Variants in MINDY2 observed in about 807,000 individuals in gnomAD.
MINDY2 encodes MINDY lysine 48 deubiquitinase 2, also known as ubiquitin carboxyl-terminal hydrolase MINDY-2.
Under a neutral mutation model 68.2 loss-of-function variants are expected in MINDY2, and 52 were observed. That is an observed-to-expected ratio of 0.76 (90% confidence interval 0.61 to 0.96). The LOEUF (loss-of-function observed/expected upper bound fraction) is 0.96, where lower values mean the gene tolerates loss of function less well. Ranked by LOEUF, MINDY2 falls within the 40% of genes least tolerant of loss-of-function variation. MINDY2 has a pLI of 0.00. For missense variants in MINDY2, 881 were observed against 773.4 expected (o/e 1.14, Z -1.65); for synonymous variants, 372 against 303.0 (o/e 1.23, Z -2.36).
chr15:58,776,768 T>A lies in MINDY2; in HGVS notation c.840+4533T>A, dbSNP rs184825399. Among the ~76,000 whole-genome samples, 663 of 152,168 alleles carry A rather than the reference T, an allele frequency of 4.4e-3. 1 individual carries two copies. Among genetic ancestry groups the A allele is most frequent in the Non-Finnish European group, 5.0e-3 (339 of 68,006 alleles). On this transcript the variant is annotated intron_variant, in intron 1 of 8. Transcript: ENST00000559228. ...CGTGTGTGGTGGCTCATGCCTGTCGTCCCAGCATTGTGGGAGGCTAACACA... is the reference window on the plus strand; with the variant it reads ...CGTGTGTGGTGGCTCATGCCTGTCGACCCAGCATTGTGGGAGGCTAACACA...
intron 7 of MINDY2, among the ~76,000 whole-genome samples, chr15:58,847,974 G>T (rs2032620392): frequency 6.6e-6 from 1 of 152,102 alleles, no homozygotes; most frequent in African/African-American, 2.4e-5. Context: ...AGAATGGGTG[G>T]ATATTCTAAA....
In MINDY2 at chr15:58,859,028, C is replaced by T. The variant is rs998767685; in HGVS notation, c.*4418C>T. On this transcript the variant is annotated 3_prime_UTR_variant, in exon 9 of 9. Transcript: ENST00000559228. ...GACTTAATTTATCACAAATATTACACATCCTATGTTCTTGAATGTGCACAC... is the reference window on the plus strand; with the variant it reads ...GACTTAATTTATCACAAATATTACATATCCTATGTTCTTGAATGTGCACAC... 6.6e-6 allele frequency: 1 copy of T among 152,096 alleles called. No individual in the cohort carries two copies. The highest frequency in any genetic ancestry group is 2.4e-5 in the African/African-American group (1 of 41,444). The allele number at this position is 152,096 out of a possible 1,614,324, so 9.4% of individuals were successfully genotyped here. A position where few individuals can be genotyped will look rare whatever the true frequency, so the allele number is the denominator to read the frequency against.
intron 7 of MINDY2, among the ~76,000 whole-genome samples, chr15:58,851,335 A>G (rs1206995595): frequency 1.3e-5 from 2 of 152,216 alleles, no homozygotes; most frequent in African/African-American, 4.8e-5. Context: ...CCCAAGGGAA[A>G]TACTTAGGAA....
chr15:58,796,167 G>A (rs776177503), intron 2 of MINDY2: 9 of 455,458 alleles, frequency 2.0e-5, no homozygotes, highest in Middle Eastern at 3.2e-4. Context: ...TGGGAAGTGG[G>A]TAAGGAGTAG....
At position 58,854,965 on chromosome 15, in the gene MINDY2, G is replaced by A. The variant is rs2033011135; in HGVS notation, c.*355G>A. On this transcript the variant is annotated 3_prime_UTR_variant, in exon 9 of 9. Transcript: ENST00000559228. ...TCTTCTGTTCTAACAATGAATGGAG[G>A]TAATTGATTTAGTCTGATTCCTTCC... 1 of 156,338 alleles carries A rather than the reference G, an allele frequency of 6.4e-6. No individual in the cohort carries two copies. Among genetic ancestry groups the A allele is most frequent in the Non-Finnish European group, 1.4e-5 (1 of 70,328 alleles). The allele number at this position is 156,338 out of a possible 1,614,324, so 9.7% of individuals were successfully genotyped here.
At chr15:58,828,460 A>G (rs1421903928) in intron 5 of MINDY2, among the ~76,000 whole-genome samples, 2 of 151,912 alleles carry the variant, frequency 1.3e-5, no homozygotes, top group Non-Finnish European at 2.9e-5. Flanking sequence ...TTTTTGACTA[A>G]TTATAGTACC....
chr15:58,801,819 T>A (rs182910995), intron 2 of MINDY2, among the ~76,000 whole-genome samples: 2 of 152,228 alleles, frequency 1.3e-5, no homozygotes, highest in Admixed American at 1.3e-4. Flanking sequence ...TTTGTATTTT[T>A]AGTAGAGTTG....
intron 1 of MINDY2, among the ~76,000 whole-genome samples, chr15:58,777,960 A>G (rs1227318425): frequency 3.3e-5 from 5 of 152,118 alleles, no homozygotes; most frequent in Non-Finnish European, 1.5e-5. Flanking sequence ...GTTTTTAAAA[A>G]TCTTATTTTA....
Position 58,851,984 on chromosome 15 carries a change from A to C in MINDY2, c.1737+19A>C. 7 of 1,557,902 alleles carry C rather than the reference A, an allele frequency of 4.5e-6. No homozygotes were observed. Among genetic ancestry groups the C allele is most frequent in the Non-Finnish European group, 6.0e-6 (7 of 1,157,292 alleles). On this transcript the variant is annotated intron_variant, in intron 8 of 8. Coordinates refer to ENST00000559228, the MANE Select transcript of MINDY2 (RefSeq NM_001040450.3). ...GGCTCAGGTAAAAACTAGTGTTTTG[A>C]GTCTTAAATGTGATGATCATGGCTG...
chr15:58,787,616 A>AT (rs1901593640), intron 1 of MINDY2, among the ~76,000 whole-genome samples: 1 of 151,726 alleles, frequency 6.6e-6, no homozygotes, highest in African/African-American at 2.4e-5. Flanking sequence ...GGGTGCCTGT[A>AT]GTCCCAGCTA....
intron 4 of MINDY2, among the ~76,000 whole-genome samples, chr15:58,812,361 C>G (rs968623165): frequency 6.6e-6 from 1 of 150,778 alleles, no homozygotes; most frequent in East Asian, 1.9e-4. Context: ...CACTTAAACC[C>G]GGGAGGTGGA....
At position 58,855,086 on chromosome 15, in the gene MINDY2, A is replaced by G. The variant is rs2033016007; in HGVS notation, c.*476A>G. ...ACCACGGGTTTAACATAGGGATTCA[A>G]AAAAACAAAAACAAAAGAATAGGAA... On this transcript the variant is annotated 3_prime_UTR_variant, in exon 9 of 9. Transcript: ENST00000559228. 6.5e-6 allele frequency: 1 copy of G among 153,406 alleles called. No individual in the cohort carries two copies. The highest frequency in any genetic ancestry group is 2.4e-5 in the African/African-American group (1 of 41,444). 9.5% of individuals were successfully genotyped at this position (153,406 alleles called of 1,614,324 possible).
At chr15:58,780,726 T>C (rs1901079693) in intron 1 of MINDY2, among the ~76,000 whole-genome samples, 2 of 152,212 alleles carry the variant, frequency 1.3e-5, no homozygotes, top group South Asian at 4.1e-4. Flanking sequence ...CTGACACTTC[T>C]AGTTTCAGAG....
rs1199313832 is a variant in MINDY2, at chr15:58,856,483, A to G, written c.*1873A>G. On this transcript the variant is annotated 3_prime_UTR_variant, in exon 9 of 9. Transcript: ENST00000559228. ...ATTGCATGTCTATTTCTGTTACACA[A>G]TTTGTTATTTCTTCAAATTTCCTAT... 6.6e-6 allele frequency: 1 copy of G among 152,550 alleles called. No individual in the cohort carries two copies. The highest frequency in any genetic ancestry group is 2.4e-5 in the African/African-American group (1 of 41,456). 9.4% of individuals were successfully genotyped at this position (152,550 alleles called of 1,614,324 possible).
intron 3 of MINDY2, among the ~76,000 whole-genome samples, chr15:58,805,057 A>G (rs113402252): frequency 6.6e-6 from 1 of 152,282 alleles, no homozygotes; most frequent in African/African-American, 2.4e-5. Context: ...CTCCCATTAC[A>G]CTGATCAGGA....
At chr15:58,810,448 A>G in intron 4 of MINDY2, 60 bp downstream of exon 4, 1 of 1,395,818 alleles carries the variant, frequency 7.2e-7, no homozygotes, top group South Asian at 1.5e-5. Flanking sequence ...TTAATTTGGC[A>G]AATTAATCTC....
At chr15:58,776,238 C>A (rs1195838445) in intron 1 of MINDY2, among the ~76,000 whole-genome samples, 2 of 152,156 alleles carry the variant, frequency 1.3e-5, no homozygotes, top group Non-Finnish European at 2.9e-5. Flanking sequence ...TAGTTCTCAA[C>A]TTTTCTTCCA....
At chr15:58,789,873 C>T (rs544002604) in intron 2 of MINDY2, among the ~76,000 whole-genome samples, 25 of 152,192 alleles carry the variant, frequency 1.6e-4, no homozygotes, top group Admixed American at 7.9e-4. Flanking sequence ...TCTTGAACTC[C>T]TGACCTCAGG....
intron 3 of MINDY2, among the ~76,000 whole-genome samples, chr15:58,806,887 TG>T (rs565117316): frequency 2.5e-4 from 38 of 152,254 alleles, no homozygotes; most frequent in Admixed American, 1.5e-3. Flanking sequence ...ATATGTTGTT[TG>T]GGGGGAACAG....
Sources: gnomAD v4.1 joint callset for allele counts (sites outside exome capture counted in the v4.1 genomes callset) on GRCh38, gnomAD v4.1.1 for gene constraint, MANE v1.5 for transcripts, NCBI Gene and HGNC (gene_info 2026-07-23, HGNC 2026-07-21) for gene names.